PHACTR1: variants seen among roughly 807,000 people sequenced by gnomAD.
PHACTR1 encodes the protein RPEL repeat containing 1.
Under a neutral mutation model 69.2 loss-of-function variants are expected in PHACTR1, and 16 were observed. The ratio of observed to expected loss-of-function variants is 0.23; its 90% CI spans 0.16 to 0.35. The LOEUF is 0.35. PHACTR1 is among the 10% of genes least tolerant of loss of function. The pLI, the probability that PHACTR1 is intolerant of heterozygous loss-of-function variation, is 1.00. For missense variants in PHACTR1, 510 were observed against 734.7 expected (o/e 0.69, Z 3.54); for synonymous variants, 312 against 284.5 (o/e 1.10, Z -0.97).
At chr6:13,148,986 T>C (rs776007538) in intron 5 of PHACTR1, among the ~76,000 whole-genome samples, 3 of 152,234 alleles carry the variant, frequency 2.0e-5, no homozygotes, top group Non-Finnish European at 2.9e-5. Flanking sequence ...TATTAGGATC[T>C]TCCAGGTCAT....
At chr6:12,733,155 C>T (rs774553616) in intron 3 of PHACTR1, among the ~76,000 whole-genome samples, 8 of 150,696 alleles carry the variant, frequency 5.3e-5, no homozygotes, top group African/African-American at 7.5e-5. Context: ...CCAGCAAATG[C>T]CCCAATGTTT....
At position 13,245,570 on chromosome 6, in the gene PHACTR1, G is replaced by A. The variant is rs958929578; in HGVS notation, c.1391+15377G>A. Among the ~76,000 whole-genome samples, 7 of 152,068 alleles carry A rather than the reference G, an allele frequency of 4.6e-5. No homozygotes were observed. Among genetic ancestry groups the A allele is most frequent in the Non-Finnish European group, 1.0e-4 (7 of 68,024 alleles). On this transcript the variant is annotated intron_variant, in intron 10 of 14. Transcript: ENST00000332995. This position sits in a 1 kb window ranked among gnomAD's most constrained non-coding sequence, Gnocchi z 4.1. ...GCTGGATATTAGACCTTTGTTGGAC[G>A]TATAGTTTGCAAATATTTTCTCCCA...
chr6:12,762,779 T>A (rs1768170602), intron 4 of PHACTR1, among the ~76,000 whole-genome samples: 1 of 152,222 alleles, frequency 6.6e-6, no homozygotes, highest in South Asian at 2.1e-4. Context: ...TTTTTAAAAG[T>A]TGATATATAT....
At chr6:13,064,574 A>C (rs1170613277) in intron 5 of PHACTR1, among the ~76,000 whole-genome samples, 1 of 7,216 alleles carries the variant, frequency 1.4e-4, no homozygotes, top group Non-Finnish European at 3.0e-4. Flanking sequence ...ATATATATAT[A>C]TATATATATA....
Position 13,286,169 on chromosome 6 carries a change from T to C in PHACTR1, c.1674T>C (p.Asn558=), listed in dbSNP as rs746521664. 8 of 1,608,210 alleles carry C rather than the reference T, an allele frequency of 5.0e-6. No individual in the cohort carries two copies. In the South Asian group the frequency reaches 7.8e-5, roughly 16 times the overall value. The change falls in exon 14 of 15, where the codon AAT becomes AAC. Residue 558 remains asparagine (N), a synonymous_variant. Transcript: ENST00000332995. ...AGGCTGCCATCCGAAAGGAGCTCAA[T>C]GAATTCAAAAGCACTGAGATGGAAG... ...ADKAAIRKEL[N]EFKSTEMEVH...
intron 5 of PHACTR1, among the ~76,000 whole-genome samples, chr6:13,117,082 C>T (rs1817926968): frequency 6.6e-6 from 1 of 152,170 alleles, no homozygotes; most frequent in Non-Finnish European, 1.5e-5. Context: ...ACATTGAAGC[C>T]CAGAAATGCC....
intron 4 of PHACTR1, among the ~76,000 whole-genome samples, chr6:12,965,608 T>G (rs1221438866): frequency 6.6e-6 from 1 of 152,158 alleles, no homozygotes; most frequent in Non-Finnish European, 1.5e-5. Flanking sequence ...GGCTCAGGCA[T>G]GAGTGATAGT....
chr6:12,949,711 A>G (rs983472206), intron 4 of PHACTR1, among the ~76,000 whole-genome samples: 2 of 152,234 alleles, frequency 1.3e-5, no homozygotes, highest in African/African-American at 4.8e-5. Context: ...GTCCTTTTAA[A>G]TCAAAAATGG....
intron 4 of PHACTR1, among the ~76,000 whole-genome samples, chr6:12,788,051 G>A (rs2015764): frequency 0.44 from 67,109 of 151,800 alleles, 15,619 homozygotes; most frequent in African/African-American, 0.55. Context: ...CCAGCTACTC[G>A]GTAGGCTGAG....
intron 10 of PHACTR1, 44 bp from the exon 11 acceptor site, chr6:13,272,816 G>C (rs371440287): frequency 1.2e-6 from 2 of 1,613,956 alleles, no homozygotes; most frequent in Non-Finnish European, 1.7e-6. Context: ...GACCCAAGGA[G>C]GCTATGATAT....
Position 13,283,374 on chromosome 6 carries a change from T to C in PHACTR1, c.1510-48T>C, listed in dbSNP as rs756082806. ...AGTTCACAGACAGGACCAAGTGCCA[T>C]GGTCAACCCTTCTGGCTGACTGGGT... On this transcript the variant is annotated intron_variant, in intron 12 of 14. Transcript: ENST00000332995. This position sits in a 1 kb window ranked among gnomAD's most constrained non-coding sequence, Gnocchi z 4.7. The C allele has an allele frequency of 5.9e-6, 9 of 1,528,360 alleles. No individual in the cohort carries two copies. Among genetic ancestry groups the C allele is most frequent in the South Asian group, 1.1e-5 (1 of 89,848 alleles). The allele number at this position is 1,528,360 out of a possible 1,614,324, so 94.7% of individuals were successfully genotyped here.
chr6:13,272,626 C>T (rs1029510742), intron 10 of PHACTR1: 22 of 1,332,274 alleles, frequency 1.7e-5, no homozygotes, highest in South Asian at 4.7e-5. Flanking sequence ...GGGGAGGGGC[C>T]GCTGCAGGGA....
chr6:12,896,689 T>C (rs1784703756), intron 4 of PHACTR1, among the ~76,000 whole-genome samples: 1 of 152,214 alleles, frequency 6.6e-6, no homozygotes, highest in Admixed American at 6.5e-5. Flanking sequence ...CTGAAAGCCG[T>C]TCTAAACATA....
At chr6:13,044,877 C>T (rs1043603377) in intron 4 of PHACTR1, among the ~76,000 whole-genome samples, 1 of 152,212 alleles carries the variant, frequency 6.6e-6, no homozygotes, top group South Asian at 2.1e-4. Context: ...ACCGGTTCTT[C>T]TTGTCCTAGT....
intron 4 of PHACTR1, among the ~76,000 whole-genome samples, chr6:12,810,166 C>T (rs575204193): frequency 4.5e-4 from 69 of 152,208 alleles, no homozygotes; most frequent in African/African-American, 1.5e-3. Flanking sequence ...GAAATGTCAC[C>T]TTCAGATTAT....
chr6:12,933,552 C>T, intron 4 of PHACTR1: 2 of 1,573,242 alleles, frequency 1.3e-6, no homozygotes, highest in Non-Finnish European at 1.7e-6. Flanking sequence ...ATGGATCTCG[C>T]CAGGGTGATT....
chr6:12,839,363 C>A (rs1460618035), intron 4 of PHACTR1, among the ~76,000 whole-genome samples: 2 of 152,180 alleles, frequency 1.3e-5, no homozygotes, highest in Admixed American at 6.5e-5. Context: ...ATCAAGCAAG[C>A]TATCATTCCT....
chr6:13,224,578 A>C (rs1189532783), intron 8 of PHACTR1, among the ~76,000 whole-genome samples: 1 of 152,184 alleles, frequency 6.6e-6, no homozygotes, highest in Non-Finnish European at 1.5e-5. Context: ...GAGCAGATGT[A>C]GGTAATAACT....
At chr6:12,825,884 A>T (rs1368819687) in intron 4 of PHACTR1, among the ~76,000 whole-genome samples, 2 of 152,162 alleles carry the variant, frequency 1.3e-5, no homozygotes, top group Admixed American at 6.5e-5. Context: ...GAGGAGATAA[A>T]CATTACAAAT....
Sources: allele counts gnomAD v4.1 joint callset (sites outside exome capture counted in the v4.1 genomes callset), GRCh38; gene constraint gnomAD v4.1.1; non-coding constraint Gnocchi (gnomAD v3.1); transcripts MANE v1.5; gene names NCBI Gene and HGNC (gene_info 2026-07-23, HGNC 2026-07-21).